Variants in NME9 observed in about 807,000 individuals in gnomAD.
The protein encoded by NME9 is thioredoxin domain-containing protein 6.
A neutral mutation model predicts 44.4 loss-of-function variants in NME9; 48 were observed. The ratio of observed to expected loss-of-function variants is 1.08; its 90% CI spans 0.86 to 1.37. The LOEUF (loss-of-function observed/expected upper bound fraction) is 1.37, where lower values mean the gene tolerates loss of function less well. NME9 is among the 40% of genes most tolerant of loss of function. The pLI is 0.00. For synonymous variants in NME9, 139 were observed against 147.1 expected (o/e 0.94, Z 0.40); for missense variants, 325 against 405.2 (o/e 0.80, Z 1.70).
intron 8 of NME9, among the ~76,000 whole-genome samples, chr3:138,276,314 G>A (rs1484811159): frequency 6.6e-6 from 1 of 152,268 alleles, no homozygotes; most frequent in African/African-American, 2.4e-5. Flanking sequence ...AAAGTATACA[G>A]TGTTTCAGTT....
intron 8 of NME9, among the ~76,000 whole-genome samples, chr3:138,275,403 C>CA (rs1332641286): frequency 6.6e-6 from 1 of 152,038 alleles, no homozygotes; most frequent in Admixed American, 6.6e-5. Context: ...TAAAAAAATA[C>CA]AAAAAATTAG....
chr3:138,290,308 A>G (rs2050815522), intron 8 of NME9, among the ~76,000 whole-genome samples: 1 of 152,140 alleles, frequency 6.6e-6, no homozygotes, highest in African/African-American at 2.4e-5. Flanking sequence ...AATCAGTCCA[A>G]CTGCAGAACC....
At chr3:138,285,214 A>G (rs2050292612) in intron 8 of NME9, among the ~76,000 whole-genome samples, 2 of 152,182 alleles carry the variant, frequency 1.3e-5, no homozygotes, top group African/African-American at 4.8e-5. Context: ...ATGAGAATAT[A>G]TTCTTACCTG....
At chr3:138,298,663 C>A (rs985791826), downstream of NME9, among the ~76,000 whole-genome samples, 4 of 152,138 alleles carry the variant, frequency 2.6e-5, no homozygotes, top group African/African-American at 9.7e-5. Flanking sequence ...TCATGTCCAC[C>A]CCCTCCATCC....
At chr3:138,294,226 G>A (rs554887568) in intron 8 of NME9, among the ~76,000 whole-genome samples, 47 of 152,142 alleles carry the variant, frequency 3.1e-4, no homozygotes, top group Non-Finnish European at 5.4e-4. Context: ...TCCTTTTGTC[G>A]TTAAGACTTT....
downstream of NME9, chr3:138,298,216 T>C (rs2051653675): frequency 6.6e-6 from 1 of 152,252 alleles, no homozygotes; most frequent in Non-Finnish European, 1.5e-5. Flanking sequence ...TTTTGTGCCC[T>C]GATTGTAATC....
chr3:138,265,255 T>G (rs1357444727), intron 8 of NME9, among the ~76,000 whole-genome samples: 2 of 152,040 alleles, frequency 1.3e-5, no homozygotes, highest in African/African-American at 4.8e-5. Context: ...AGGCCCCTTT[T>G]GTCCCCCCCA....
chr3:138,296,382 CTT>C (rs1203622954), downstream of NME9: 1 of 152,262 alleles, frequency 6.6e-6, no homozygotes, highest in Non-Finnish European at 1.5e-5. Context: ...GTATAAAAAA[CTT>C]TACTGAATTA....
chr3:138,322,072 G>GT (rs201395022), intron 2 of NME9, among the ~76,000 whole-genome samples: 233 of 151,822 alleles, frequency 1.5e-3, no homozygotes, highest in African/African-American at 5.2e-3. Context: ...GACAGATTTT[G>GT]TTTTTTTTAA....
intron 2 of NME9, among the ~76,000 whole-genome samples, chr3:138,320,487 G>A (rs972058151): frequency 6.6e-6 from 1 of 152,228 alleles, no homozygotes; most frequent in Non-Finnish European, 1.5e-5. Flanking sequence ...GATTAGCTCT[G>A]CCAATTTTAA....
chr3:138,324,695 C>A, intron 2 of NME9, 178 bp downstream of exon 2: 1 of 4,466 alleles, frequency 2.2e-4, no homozygotes, highest in South Asian at 0.022. Context: ...AAGCCAGATA[C>A]ACACACACAC....
chr3:138,310,702 A>G (rs758373469), intron 6 of NME9, among the ~76,000 whole-genome samples: 2 of 152,216 alleles, frequency 1.3e-5, no homozygotes, highest in Non-Finnish European at 2.9e-5. Flanking sequence ...GAAATTTTTA[A>G]TTTCTTGAAA....
At chr3:138,271,803 T>C (rs2048826618) in intron 8 of NME9, among the ~76,000 whole-genome samples, 1 of 150,748 alleles carries the variant, frequency 6.6e-6, no homozygotes, top group African/African-American at 2.5e-5. Context: ...TCTTTCTTTT[T>C]TTTTTTTTTT....
At chr3:138,302,059 G>A (rs1314530194) in intron 10 of NME9, among the ~76,000 whole-genome samples, 1 of 152,126 alleles carries the variant, frequency 6.6e-6, no homozygotes, top group African/African-American at 2.4e-5. Context: ...ACTTTTCAGA[G>A]GCTCTTCAGC....
At chr3:138,285,617 A>G (rs2050334995) in intron 8 of NME9, among the ~76,000 whole-genome samples, 2 of 152,074 alleles carry the variant, frequency 1.3e-5, no homozygotes, top group Non-Finnish European at 2.9e-5. Context: ...ATTCCTCATT[A>G]CTGCATTTTG....
rs959202232 is a variant in NME9 at position 138,325,985 on chromosome 3, T to C, written c.34-1055A>G. ...CCTATTTATCCCATAATGTCCTGAG[T>C]ATCAAAGGAGCTAATCAGAAATGTG... is the stretch of plus-strand genomic sequence containing the variant. On this transcript the variant is annotated intron_variant, in intron 1 of 10. Coordinates refer to ENST00000333911, the MANE Select transcript of NME9 (RefSeq NM_001349018.2). 1.6e-4 allele frequency among the ~76,000 whole-genome samples: 25 copies of C among 152,326 alleles called. No individual in the cohort carries two copies. In the East Asian group the frequency reaches 4.2e-3, roughly 26 times the overall value.
Position 138,265,832 on chromosome 3 carries a change from T to C in NME9, c.746-3246A>G, listed in dbSNP as rs6780235. ...ATTGACATGCTGAGTGGTTCTTCCA[T>C]TGAGGAGGTTCATCTAGTGACAGAG... On this transcript the variant is annotated intron_variant, in intron 8 of 8. Coordinates refer to the NME9 transcript ENST00000317876. Among the ~76,000 whole-genome samples, 1,101 of 152,252 alleles carry C rather than the reference T, an allele frequency of 7.2e-3. 11 individuals are homozygous for C. Among genetic ancestry groups the C allele is most frequent in the African/African-American group, 0.025 (1,030 of 41,546 alleles).
intron 2 of NME9, among the ~76,000 whole-genome samples, chr3:138,320,019 T>A (rs1444590745): frequency 6.6e-6 from 1 of 152,234 alleles, no homozygotes; most frequent in Non-Finnish European, 1.5e-5. Flanking sequence ...GTTTGACCTT[T>A]TCCTCTGATG....
chr3:138,322,542 C>G (rs1056761589), intron 2 of NME9, among the ~76,000 whole-genome samples: 1 of 150,122 alleles, frequency 6.7e-6, no homozygotes, highest in African/African-American at 2.5e-5. Flanking sequence ...ACGTGTAGGT[C>G]TGAAGGGACT....
Sources: gnomAD v4.1 joint callset for allele counts (sites outside exome capture counted in the v4.1 genomes callset) on GRCh38, gnomAD v4.1.1 for gene constraint, MANE v1.5 for transcripts, NCBI Gene and HGNC (gene_info 2026-07-23, HGNC 2026-07-21) for gene names.